Variants in LOXHD1 observed in about 807,000 individuals in gnomAD.
LOXHD1 encodes lipoxygenase homology PLAT domains 1, also known as lipoxygenase homology domain-containing protein 1.
In LOXHD1, 205 loss-of-function variants were observed where a neutral mutation model predicts 248.2. That is an observed-to-expected ratio of 0.83 (90% CI 0.74 to 0.93). The LOEUF (loss-of-function observed/expected upper bound fraction) is 0.93. Ranked by LOEUF, LOXHD1 falls within the 40% of genes least tolerant of loss-of-function variation. The pLI, the probability that LOXHD1 is intolerant of heterozygous loss-of-function variation, is 0.00. For synonymous variants in LOXHD1, 1,113 were observed against 1,162.8 expected (o/e 0.96, Z 0.87); for missense variants, 2,930 against 2,971.6 (o/e 0.99, Z 0.33).
chr18:46,653,606 G>T (rs995230038), intron 1 of LOXHD1, among the ~76,000 whole-genome samples: 1 of 152,180 alleles, frequency 6.6e-6, no homozygotes, highest in African/African-American at 2.4e-5. Context: ...TTGTCAATCT[G>T]TTGCTCTTAG....
intron 5 of LOXHD1, among the ~76,000 whole-genome samples, chr18:46,611,593 C>T (rs532407964): frequency 2.6e-5 from 4 of 152,112 alleles, no homozygotes; most frequent in Non-Finnish European, 5.9e-5. Context: ...ATCTAGGCAC[C>T]AATTTTTGCT....
intron 14 of LOXHD1, among the ~76,000 whole-genome samples, chr18:46,575,719 G>A (rs538432276): frequency 2.6e-5 from 4 of 152,152 alleles, no homozygotes; most frequent in South Asian, 2.1e-4. Flanking sequence ...TCTGGCCTCC[G>A]AAACTGTGAG....
rs2144014969 is a variant in LOXHD1 at position 46,560,420 on chromosome 18, G to A, written c.2724C>T (p.Leu908=). 1 of 1,547,912 alleles carries A rather than the reference G, an allele frequency of 6.5e-7. No homozygotes were observed. Among genetic ancestry groups the A allele is most frequent in the Non-Finnish European group, 8.7e-7 (1 of 1,147,346 alleles). Residue 908 remains leucine, a synonymous_variant, in exon 19 of 41, where the codon CTC becomes CTT. Transcript: ENST00000642948. ...LRHLVVREVD[L]TPEEEARKKK... is the part of the protein sequence containing the mutation. ...TCTTCCGGGCCTCCTCCTCCGGCGT[G>A]AGGTCCACCTCCCGCACCACCAGGT... is the stretch of plus-strand genomic sequence containing the variant.
intron 29 of LOXHD1, among the ~76,000 whole-genome samples, chr18:46,525,932 G>T (rs746367430): frequency 9.2e-5 from 14 of 152,194 alleles, no homozygotes; most frequent in Non-Finnish European, 1.3e-4. Flanking sequence ...GAGGACTAGA[G>T]CCAGGCCTAG....
In LOXHD1 at chr18:46,579,645, C is replaced by A. The variant is rs2037925010; in HGVS notation, c.1794G>T (p.Leu598=). 6.4e-7 allele frequency: 1 copy of A among 1,551,700 alleles called. No homozygotes were observed. Among genetic ancestry groups the A allele is most frequent in the Non-Finnish European group, 8.7e-7 (1 of 1,146,988 alleles). The part of the protein sequence containing the change: ...LLYNCRNNTD[L]FEKGNADEFT... ...TGTAACTTACATTGCCCTTTTCAAA[C>A]AGGTCTGTGTTATTCCTGCAGTTGT... Residue 598 remains leucine (L), a synonymous_variant, in exon 13 of 41, where the codon CTG becomes CTT. Coordinates refer to ENST00000642948, the MANE Select transcript of LOXHD1 (RefSeq NM_001384474.1).
intron 17 of LOXHD1, 30 bp downstream of exon 17, chr18:46,566,227 T>C (rs1209910609): frequency 1.2e-5 from 18 of 1,526,498 alleles, no homozygotes; most frequent in Non-Finnish European, 8.8e-7. Flanking sequence ...TGGGAAACAA[T>C]GGGTGGTCCC....
At chr18:46,506,124 C>T in intron 36 of LOXHD1, 101 bp from the exon 37 acceptor site, 5 of 1,301,588 alleles carry the variant, frequency 3.8e-6, no homozygotes, top group African/African-American at 2.9e-5. Context: ...GTCAGGGGTA[C>T]AGGTGGACAG....
At chr18:46,541,675 C>A in intron 25 of LOXHD1, 101 bp downstream of exon 25, 2 of 1,359,574 alleles carry the variant, frequency 1.5e-6, no homozygotes, top group Non-Finnish European at 2.0e-6. Context: ...TCAAGGTGGG[C>A]CTGGCCCACA....
intron 37 of LOXHD1, 65 bp from the exon 38 acceptor site, chr18:46,489,207 C>A: frequency 6.7e-7 from 1 of 1,503,236 alleles, no homozygotes; most frequent in South Asian, 1.2e-5. Flanking sequence ...CAGACTTCTA[C>A]ATCCCCACAA....
At chr18:46,570,259 G>A (rs1023124800) in intron 15 of LOXHD1, among the ~76,000 whole-genome samples, 30 of 152,276 alleles carry the variant, frequency 2.0e-4, no homozygotes, top group Middle Eastern at 3.4e-3. Context: ...CTGCATTATC[G>A]GTCTTCAGGG....
chr18:46,500,362 A>T (rs2034149580), intron 37 of LOXHD1, among the ~76,000 whole-genome samples: 1 of 152,034 alleles, frequency 6.6e-6, no homozygotes, highest in African/African-American at 2.4e-5. Context: ...TTCAAATTAA[A>T]CTCATCAAGA....
At chr18:46,544,186 C>T (rs533964918) in intron 23 of LOXHD1, among the ~76,000 whole-genome samples, 86 of 152,318 alleles carry the variant, frequency 5.6e-4, no homozygotes, top group Admixed American at 1.1e-3. Context: ...GAGAGATAGA[C>T]AGACCTTGGT....
intron 28 of LOXHD1, among the ~76,000 whole-genome samples, chr18:46,530,803 G>T (rs947836900): frequency 1.3e-5 from 2 of 152,002 alleles, no homozygotes; most frequent in Non-Finnish European, 2.9e-5. Flanking sequence ...CTTCTGTGTG[G>T]CTGGACACTC....
chr18:46,570,000 A>G (rs539229695), intron 15 of LOXHD1, among the ~76,000 whole-genome samples: 26 of 152,376 alleles, frequency 1.7e-4, no homozygotes, highest in Admixed American at 6.5e-4. Flanking sequence ...GTGGACAAGG[A>G]AACTGAGACA....
At chr18:46,639,584 G>A in intron 4 of LOXHD1, 32 bp downstream of exon 4, 1 of 1,537,232 alleles carries the variant, frequency 6.5e-7, no homozygotes, top group Non-Finnish European at 8.8e-7. Context: ...CAGCTAGGGA[G>A]GGATGGCAGG....
intron 5 of LOXHD1, among the ~76,000 whole-genome samples, chr18:46,614,889 G>A (rs1568217644): frequency 6.6e-6 from 1 of 152,026 alleles, no homozygotes; most frequent in Non-Finnish European, 1.5e-5. Context: ...ATTTATATAA[G>A]ATGGAGATTC....
rs573529591 is a variant in LOXHD1, at chr18:46,534,520, C to T, written c.4096-69G>A. On this transcript the variant is annotated intron_variant, in intron 26 of 40. Transcript: ENST00000642948. ...AGGAAAGTATGGCCTTGGCAACATCCTGCTTCCCCAGGGCATCCACCCTGA... is the reference window on the plus strand; with the variant it reads ...AGGAAAGTATGGCCTTGGCAACATCTTGCTTCCCCAGGGCATCCACCCTGA... The T allele has an allele frequency of 7.7e-5, 92 of 1,191,510 alleles. 2 individuals are homozygous for T. The highest frequency in any genetic ancestry group is 4.3e-4 in the South Asian group (33 of 76,542). The allele number at this position is 1,191,510 out of a possible 1,614,324, so 73.8% of individuals were successfully genotyped here.
chr18:46,572,061 G>T, intron 15 of LOXHD1, 25 bp downstream of exon 15: 1 of 1,548,170 alleles, frequency 6.5e-7, no homozygotes, highest in Non-Finnish European at 8.7e-7. Flanking sequence ...GGCACACCCA[G>T]CACCTGGTCA....
Position 46,509,758 on chromosome 18 carries a change from G to C in LOXHD1, c.5457C>G (p.Phe1819Leu). The part of the protein sequence containing the change: ...FIMEILDIAP[F>L]TKMRIRIDGL... ...CATCAATCCGGATCCGCATCTTGGTGAATGGAGCAATGTCTAGGATCTCCA... is the reference window on the plus strand; with the variant it reads ...CATCAATCCGGATCCGCATCTTGGTCAATGGAGCAATGTCTAGGATCTCCA... The change falls in exon 35 of 41, where the codon TTC (phenylalanine) becomes TTG (leucine). Residue 1819 changes from phenylalanine to leucine, a missense_variant. Physicochemically the swap from Phe to Leu is conservative, Grantham distance 22. Transcript: ENST00000642948. 6.5e-7 allele frequency: 1 copy of C among 1,548,638 alleles called. No individual in the cohort carries two copies. Among genetic ancestry groups the C allele is most frequent in the Non-Finnish European group, 8.7e-7 (1 of 1,145,130 alleles).
Sources: gnomAD v4.1 joint callset for allele counts (sites outside exome capture counted in the v4.1 genomes callset) on GRCh38, gnomAD v4.1.1 for gene constraint, MANE v1.5 for transcripts, NCBI Gene and HGNC (gene_info 2026-07-23, HGNC 2026-07-21) for gene names.